The following MYO9B variants were observed in gnomAD, a reference collection of about 807,000 sequenced individuals.
The protein encoded by MYO9B is myosin IXB, also known as unconventional myosin-IXb.
MYO9B carries 71 observed loss-of-function variants against 229.5 expected under a neutral mutation model. The ratio of observed to expected loss-of-function variants is 0.31; its 90% CI spans 0.26 to 0.38. MYO9B has a LOEUF of 0.38. MYO9B is among the 10% of genes least tolerant of loss of function. The probability of loss-of-function intolerance (pLI) is 1.00; values close to 1 mark genes in which losing one functional copy is unlikely to be tolerated. For missense variants in MYO9B, 2,255 were observed against 2,920.5 expected, an observed-to-expected ratio of 0.77 and a Z score of 5.25; for synonymous variants, 1,185 against 1,235.8, an observed-to-expected ratio of 0.96 and a Z score of 0.86.
chr19:17,170,417 A>G (rs1337718612), intron 11 of MYO9B, among the ~76,000 whole-genome samples: 5 of 152,118 alleles, frequency 3.3e-5, no homozygotes, highest in East Asian at 3.9e-4. Context: ...CAGAGACTCA[A>G]ATGAATGAGG....
intron 2 of MYO9B, among the ~76,000 whole-genome samples, chr19:17,118,399 C>T (rs188752915): frequency 4.0e-5 from 6 of 151,830 alleles, no homozygotes; most frequent in East Asian, 1.9e-4. Flanking sequence ...CATAGGAGTT[C>T]GAGACCAGCA....
chr19:17,186,113 G>T, intron 18 of MYO9B, 112 bp downstream of exon 18: 1 of 936,372 alleles, frequency 1.1e-6, no homozygotes, highest in Non-Finnish European at 1.7e-6. Flanking sequence ...CGGTGCAGCA[G>T]TCCATCCAGA....
At chr19:17,143,257 T>C (rs538539598) in intron 2 of MYO9B, among the ~76,000 whole-genome samples, 1 of 151,370 alleles carries the variant, frequency 6.6e-6, no homozygotes, top group South Asian at 2.1e-4. Flanking sequence ...ACAAACAAAC[T>C]TGAGCACCAC....
At chr19:17,158,535 CA>C (rs780895175) in intron 7 of MYO9B, among the ~76,000 whole-genome samples, 143 of 151,826 alleles carry the variant, frequency 9.4e-4, no homozygotes, top group Non-Finnish European at 1.8e-3. Context: ...GCAGAGGTTG[CA>C]GTGAGCCAAG....
intron 18 of MYO9B, 95 bp from the exon 19 acceptor site, chr19:17,187,840 C>A: frequency 1.0e-6 from 1 of 995,106 alleles, no homozygotes; most frequent in Non-Finnish European, 1.5e-6. Flanking sequence ...GGGGAAGTGC[C>A]CTCATCTCAC....
At chr19:17,090,013 A>G (rs1471685461) in intron 1 of MYO9B, among the ~76,000 whole-genome samples, 1 of 150,366 alleles carries the variant, frequency 6.7e-6, no homozygotes, top group African/African-American at 2.5e-5. Flanking sequence ...GGACATTTCT[A>G]TAAATGGAGT....
intron 1 of MYO9B, among the ~76,000 whole-genome samples, chr19:17,096,470 GC>G (rs2057689607): frequency 1.3e-5 from 2 of 151,662 alleles, no homozygotes; most frequent in African/African-American, 4.8e-5. Flanking sequence ...GGGCAACATG[GC>G]AAAACCCCCT....
At chr19:17,169,812 T>TCC (rs2072702646) in intron 11 of MYO9B, among the ~76,000 whole-genome samples, 4 of 139,418 alleles carry the variant, frequency 2.9e-5, no homozygotes, top group Admixed American at 1.4e-4. Flanking sequence ...CTTTTTTTTT[T>TCC]TTTTTTTTTT....
intron 2 of MYO9B, among the ~76,000 whole-genome samples, chr19:17,107,179 G>C (rs1208250850): frequency 2.6e-5 from 4 of 152,082 alleles, no homozygotes; most frequent in Middle Eastern, 3.4e-3. Context: ...AGACTGCAGT[G>C]AGCTGTGATC....
Position 17,206,038 on chromosome 19 carries a change from G to T in MYO9B, c.5143G>T (p.Val1715Leu). Reference protein sequence around the residue: ...LTSDKASVPIVLEKLLEHVEM... With the variant: ...LTSDKASVPILLEKLLEHVEM... Reference sequence around the variant, plus strand: ...CAGCGACAAGGCCTCGGTGCCCATCGTGCTGGAGAAGCTCCTGGAACACGT... The same window carrying T: ...CAGCGACAAGGCCTCGGTGCCCATCTTGCTGGAGAAGCTCCTGGAACACGT... The change falls in exon 32 of 40, where the codon GTG (valine) becomes TTG (leucine). Residue 1715 changes from valine (V) to leucine (L), a missense_variant. By Grantham distance (32) the Val-to-Leu change is conservative. Coordinates refer to ENST00000682292, the MANE Select transcript of MYO9B (RefSeq NM_004145.4). 3 of 1,610,082 alleles carry T rather than the reference G, an allele frequency of 1.9e-6. No individual in the cohort carries two copies. Among genetic ancestry groups the T allele is most frequent in the Non-Finnish European group, 2.5e-6 (3 of 1,177,674 alleles).
intron 22 of MYO9B, among the ~76,000 whole-genome samples, chr19:17,197,395 GGATA>G (rs138083738): frequency 0.46 from 66,378 of 143,270 alleles, 15,444 homozygotes; most frequent in East Asian, 0.76. Context: ...ATGGATGGAT[GGATA>G]GATAGATGAT....
rs1191861158 is a variant in MYO9B, at chr19:17,101,549, G to A, written c.-58-111G>A. On this transcript the variant is annotated intron_variant, in intron 1 of 39. Coordinates refer to ENST00000682292, the MANE Select transcript of MYO9B (RefSeq NM_004145.4). The surrounding 1 kb of genome is among the most constrained non-coding windows in gnomAD (Gnocchi z 4.7). ...GCTTTTTGGGCGAGCCTAGTCGGGT[G>A]GGGAACTCCAGCATCGGGTCAGGTG... The A allele has an allele frequency of 9.1e-7, 1 of 1,103,978 alleles. No homozygotes were observed. The highest frequency in any genetic ancestry group is 1.2e-6 in the Non-Finnish European group (1 of 801,078). The allele number at this position is 1,103,978 out of a possible 1,614,324, so 68.4% of individuals were successfully genotyped here. A position where few individuals can be genotyped will look rare whatever the true frequency, so the allele number is the denominator to read the frequency against.
At chr19:17,129,197 C>T (rs571975268) in intron 2 of MYO9B, among the ~76,000 whole-genome samples, 33 of 152,042 alleles carry the variant, frequency 2.2e-4, no homozygotes, top group Non-Finnish European at 4.1e-4. Flanking sequence ...CTCAGGAGTT[C>T]GAGACCAGCC....
intron 38 of MYO9B, among the ~76,000 whole-genome samples, chr19:17,211,198 C>A (rs992001228): frequency 3.9e-5 from 6 of 151,990 alleles, no homozygotes; most frequent in Non-Finnish European, 7.4e-5. Flanking sequence ...CCAGGCTGGT[C>A]TTGAACTCCT....
Position 17,189,320 on chromosome 19 carries a change from C to A in MYO9B, c.2688+1275C>A, listed in dbSNP as rs1304698052. On this transcript the variant is annotated intron_variant, in intron 19 of 39. Coordinates refer to ENST00000682292, the MANE Select transcript of MYO9B (RefSeq NM_004145.4). ...CCAGCCTGGATGGCAGAGCAAGACC[C>A]TGTCTTAAAACAAAACAAAACAAAA... is the stretch of plus-strand genomic sequence containing the variant. Among the ~76,000 whole-genome samples the A allele has an allele frequency of 3.3e-3, 497 of 151,838 alleles. 3 individuals are homozygous for A. The highest frequency in any genetic ancestry group is 0.021 in the Middle Eastern group (6 of 290).
At chr19:17,196,202 A>G (rs2145466061) in intron 22 of MYO9B, among the ~76,000 whole-genome samples, 1 of 151,374 alleles carries the variant, frequency 6.6e-6, no homozygotes, top group Admixed American at 6.6e-5. Flanking sequence ...GGATGGATGG[A>G]AGGAAGATAG....
intron 1 of MYO9B, among the ~76,000 whole-genome samples, chr19:17,082,871 G>GTACC (rs1349728828): frequency 6.6e-6 from 1 of 152,094 alleles, no homozygotes. Context: ...AGTGCAGAAA[G>GTACC]TGGCCTGAAC....
At chr19:17,148,371 G>A (rs768558900) in intron 3 of MYO9B, among the ~76,000 whole-genome samples, 4 of 152,092 alleles carry the variant, frequency 2.6e-5, no homozygotes, top group Admixed American at 6.6e-5. Flanking sequence ...AACAGTGTAC[G>A]ACAAACCGTA....
intron 2 of MYO9B, among the ~76,000 whole-genome samples, chr19:17,131,581 T>C (rs1017802104): frequency 3.3e-5 from 5 of 152,086 alleles, no homozygotes; most frequent in Non-Finnish European, 7.4e-5. Flanking sequence ...ATTGAATAAT[T>C]CTTCTCTAAC....
Sources: gnomAD v4.1 joint callset for allele counts (sites outside exome capture counted in the v4.1 genomes callset) on GRCh38, gnomAD v4.1.1 for gene constraint, Gnocchi (gnomAD v3.1) non-coding constraint, MANE v1.5 for transcripts, NCBI Gene and HGNC (gene_info 2026-07-23, HGNC 2026-07-21) for gene names.